The following ZNF839 variants were observed in gnomAD, a reference collection of about 807,000 sequenced individuals.
ZNF839 encodes the protein renal carcinoma antigen NY-REN-50.
ZNF839 carries 38 observed loss-of-function variants against 56.4 expected under a neutral mutation model. The ratio of observed to expected loss-of-function variants is 0.67; its 90% CI spans 0.52 to 0.88. The LOEUF is 0.88. Among genes scored for constraint, ZNF839 ranks in the 40% least tolerant of loss-of-function variants. The pLI, the probability that ZNF839 is intolerant of heterozygous loss-of-function variation, is 0.00. For synonymous variants in ZNF839, 486 were observed against 493.5 expected (o/e 0.98, Z 0.20); for missense variants, 1,091 against 1,177.6 (o/e 0.93, Z 1.08).
rs1462540714 is a variant in ZNF839 at position 102,319,845 on chromosome 14, G to C, written c.80G>C (p.Ser27Thr). The part of the protein sequence containing the change: ...GGGGPAPPGQ[S>T]GSVARVAPLG... ...GGCGGCCCGGCTCCTCCGGGCCAGA[G>C]CGGCAGCGTCGCACGTGTGGCCCCG... Residue 27 changes from serine to threonine, a missense_variant, in exon 1 of 8, where the codon AGC becomes ACC. Ser to Thr is a moderately conservative substitution (Grantham distance 58). Coordinates refer to ENST00000442396, the MANE Select transcript of ZNF839 (RefSeq NM_018335.6). This position sits in a 1 kb window ranked among gnomAD's most constrained non-coding sequence, Gnocchi z 4.5. The C allele has an allele frequency of 1.6e-6, 2 of 1,258,276 alleles. No homozygotes were observed. The highest frequency in any genetic ancestry group is 2.0e-6 in the Non-Finnish European group (2 of 1,003,228). The allele number at this position is 1,258,276 out of a possible 1,614,324, so 77.9% of individuals were successfully genotyped here. A position where few individuals can be genotyped will look rare whatever the true frequency, so the allele number is the denominator to read the frequency against.
intron 1 of ZNF839, among the ~76,000 whole-genome samples, chr14:102,325,385 C>T (rs1369021139): frequency 1.3e-5 from 2 of 151,310 alleles, no homozygotes; most frequent in Non-Finnish European, 2.9e-5. Flanking sequence ...AATCAGCGGG[C>T]ATTTATATAG....
In ZNF839 at chr14:102,331,776, C is replaced by T. The variant is rs2073796074; in HGVS notation, c.1346C>T (p.Ala449Val). The part of the protein sequence containing the change: ...RTAVLQQRRA[A>V]QLPGGPAAAG... ...GCTGTCCTCCAGCAGAGAAGAGCTG[C>T]TCAGCTACCTGGTGGCCCTGCTGCG... Residue 449 changes from alanine to valine, a missense_variant, in exon 3 of 8, where the codon GCT (alanine) becomes GTT (valine). Transcript: ENST00000442396. The T allele has an allele frequency of 6.3e-7, 1 of 1,599,334 alleles. No homozygotes were observed. The highest frequency in any genetic ancestry group is 8.5e-7 in the Non-Finnish European group (1 of 1,173,354).
intron 2 of ZNF839, among the ~76,000 whole-genome samples, chr14:102,330,849 C>T (rs1370775089): frequency 1.3e-5 from 2 of 152,122 alleles, no homozygotes; most frequent in Non-Finnish European, 2.9e-5. Flanking sequence ...CGTTATTATT[C>T]CTGTTTTCAG....
intron 7 of ZNF839, among the ~76,000 whole-genome samples, chr14:102,340,274 CT>C (rs34818560): frequency 0.53 from 67,361 of 128,284 alleles, 18,164 homozygotes; most frequent in Non-Finnish European, 0.63. Flanking sequence ...CTACGCCAGC[CT>C]TTTTTTTTTT....
At chr14:102,328,354 C>CAAAAAAAAAAA (rs1158691824) in intron 2 of ZNF839, among the ~76,000 whole-genome samples, 2 of 28,892 alleles carry the variant, frequency 6.9e-5, no homozygotes, top group Admixed American at 6.3e-4. Flanking sequence ...AACTCCATCT[C>CAAAAAAAAAAA]AAAAAAAAAA....
intron 5 of ZNF839, among the ~76,000 whole-genome samples, chr14:102,338,130 G>C (rs1886045537): frequency 6.6e-6 from 1 of 152,218 alleles, no homozygotes; most frequent in African/African-American, 2.4e-5. Flanking sequence ...TTTTTCTCAA[G>C]AGACCAGTGA....
chr14:102,335,392 G>A (rs1026230188), intron 4 of ZNF839: 1 of 305,910 alleles, frequency 3.3e-6, no homozygotes, highest in African/African-American at 2.2e-5. Flanking sequence ...TGACAGTCCA[G>A]CCGGGGCTCA....
At chr14:102,339,358 A>G (rs1024478832) in intron 7 of ZNF839, 135 bp downstream of exon 7, 7 of 1,242,024 alleles carry the variant, frequency 5.6e-6, no homozygotes, top group Non-Finnish European at 7.7e-6. Flanking sequence ...TGGTTTCTCA[A>G]GTTTCATTCC....
In ZNF839 at chr14:102,331,959, G is replaced by C. The variant is rs917700276; in HGVS notation, c.1416+113G>C. ...TTCACCTGAAATGTCATTGCATTAA[G>C]TGTGTGATGATGCCAAGGACAGTAA... On this transcript the variant is annotated intron_variant, in intron 3 of 7. Transcript: ENST00000442396. 3 of 856,762 alleles carry C rather than the reference G, an allele frequency of 3.5e-6. No homozygotes were observed. The African/African-American group carries it at 5.1e-5, about 15-fold the overall frequency. The allele number at this position is 856,762 out of a possible 1,614,324, so 53.1% of individuals were successfully genotyped here.
In ZNF839 at chr14:102,331,791, G is replaced by T; in HGVS notation, c.1361G>T (p.Gly454Val). Residue 454 changes from glycine to valine, a missense_variant, in exon 3 of 8, where the codon GGC becomes GTC. Physicochemically the swap from Gly to Val is moderately radical, Grantham distance 109. Coordinates refer to ENST00000442396, the MANE Select transcript of ZNF839 (RefSeq NM_018335.6). ...QQRRAAQLPG[G>V]PAAAGEQRAS... ...AGAAGAGCTGCTCAGCTACCTGGTGGCCCTGCTGCGGCAGGGGAGCAGAGG... is the reference window on the plus strand; with the variant it reads ...AGAAGAGCTGCTCAGCTACCTGGTGTCCCTGCTGCGGCAGGGGAGCAGAGG... 2 of 1,595,024 alleles carry T rather than the reference G, an allele frequency of 1.3e-6. No individual in the cohort carries two copies. The highest frequency in any genetic ancestry group is 1.7e-6 in the Non-Finnish European group (2 of 1,171,626).
intron 1 of ZNF839, among the ~76,000 whole-genome samples, chr14:102,323,634 T>A (rs935480214): frequency 1.8e-4 from 28 of 152,214 alleles, no homozygotes; most frequent in East Asian, 3.8e-4. Context: ...GTGTTTTTTT[T>A]ATAGAATCCA....
intron 1 of ZNF839, among the ~76,000 whole-genome samples, chr14:102,320,831 G>A (rs570942254): frequency 7.9e-5 from 12 of 152,302 alleles, no homozygotes; most frequent in African/African-American, 2.2e-4. Flanking sequence ...GCCCAACTCC[G>A]GAGGGTGAAG....
intron 2 of ZNF839, among the ~76,000 whole-genome samples, chr14:102,328,388 ATATATATATATATATATATATATG>A (rs2073570532): frequency 1.4e-5 from 1 of 69,732 alleles, no homozygotes; most frequent in African/African-American, 8.1e-5. Context: ...ATATATATAT[ATATATATATATATATATATATATG>A]TATACACACA....
Position 102,326,862 on chromosome 14 carries a change from C to T in ZNF839, c.1166C>T (p.Thr389Ile), listed in dbSNP as rs2073441017. ...GGAGGGGCCCGCTCCTGCTTGGTGACAGAGTCAGCACGCGGTGGCCTGCAG... is the reference window on the plus strand; with the variant it reads ...GGAGGGGCCCGCTCCTGCTTGGTGATAGAGTCAGCACGCGGTGGCCTGCAG... ...CEGGARSCLVTESARGGLQNG... is the reference protein window; with the variant it reads ...CEGGARSCLVIESARGGLQNG... The change falls in exon 2 of 8, where the codon ACA becomes ATA. Residue 389 changes from threonine (T) to isoleucine (I), a missense_variant. Transcript: ENST00000442396. This position sits in a 1 kb window ranked among gnomAD's most constrained non-coding sequence, Gnocchi z 4.3. 1.2e-6 allele frequency: 2 copies of T among 1,605,908 alleles called. No homozygotes were observed. Among genetic ancestry groups the T allele is most frequent in the Non-Finnish European group, 1.7e-6 (2 of 1,174,828 alleles).
chr14:102,333,541 G>C (rs1055093513), intron 3 of ZNF839, among the ~76,000 whole-genome samples: 2 of 152,068 alleles, frequency 1.3e-5, no homozygotes, highest in African/African-American at 2.4e-5. Flanking sequence ...GGGATTACAG[G>C]CGTGAGCCAC....
At chr14:102,329,572 A>G (rs1233944411) in intron 2 of ZNF839, among the ~76,000 whole-genome samples, 1 of 151,372 alleles carries the variant, frequency 6.6e-6, no homozygotes, top group Non-Finnish European at 1.5e-5. Context: ...TTTAGTAGAG[A>G]CGGGGTTTCG....
intron 2 of ZNF839, among the ~76,000 whole-genome samples, chr14:102,328,375 AATATATATATATATATATATAT>A (rs71116898): frequency 5.5e-4 from 9 of 16,326 alleles, no homozygotes; most frequent in Admixed American, 2.7e-3. Flanking sequence ...AAAAAAAAAA[AATATATATATATATATATATAT>A]ATATATATAT....
Position 102,326,063 on chromosome 14 carries a change from A to G in ZNF839, c.367A>G (p.Ile123Val), listed in dbSNP as rs754080144. 3 of 1,613,794 alleles carry G rather than the reference A, an allele frequency of 1.9e-6. No individual in the cohort carries two copies. Among genetic ancestry groups the G allele is most frequent in the East Asian group, 2.2e-5 (1 of 44,878 alleles). ...QERPMLLPTT[I>V]QPQTARKSQL... ...AAGGCCAATGCTCCTACCGACCACA[A>G]TCCAGCCCCAAACTGCAAGAAAGAG... The change falls in exon 2 of 8, where the codon ATC becomes GTC. Residue 123 changes from isoleucine to valine, a missense_variant. This residue lies in a region of ZNF839 where 614 missense variants were observed against 629.2 expected (regional missense o/e 0.98). Coordinates refer to ENST00000442396, the MANE Select transcript of ZNF839 (RefSeq NM_018335.6). The surrounding 1 kb of genome is among the most constrained non-coding windows in gnomAD (Gnocchi z 4.3).
intron 7 of ZNF839, among the ~76,000 whole-genome samples, chr14:102,339,730 CAG>C (rs1567298354): frequency 6.6e-6 from 1 of 151,332 alleles, no homozygotes; most frequent in African/African-American, 2.4e-5. Context: ...GCCTGGGTAA[CAG>C]AGTGAGACTC....
Sources: gnomAD v4.1 joint callset for allele counts (sites outside exome capture counted in the v4.1 genomes callset) on GRCh38, gnomAD v4.1.1 for gene constraint, gnomAD v4.1.1 regional missense constraint, Gnocchi (gnomAD v3.1) non-coding constraint, MANE v1.5 for transcripts, NCBI Gene and HGNC (gene_info 2026-07-23, HGNC 2026-07-21) for gene names.